EXOC2: variants seen among roughly 807,000 people sequenced by gnomAD.
EXOC2 encodes SEC5-like 1.
Under a neutral mutation model 131.8 loss-of-function variants are expected in EXOC2, and 70 were observed. That is an observed-to-expected ratio of 0.53 (90% CI 0.44 to 0.65). EXOC2 has a LOEUF of 0.65. Among genes scored for constraint, EXOC2 ranks in the 30% least tolerant of loss-of-function variants. EXOC2 has a pLI of 0.00. For missense variants in EXOC2, 923 were observed against 1,108.6 expected (o/e 0.83, Z 2.38); for synonymous variants, 411 against 398.4 (o/e 1.03, Z -0.38).
intron 1 of EXOC2, among the ~76,000 whole-genome samples, chr6:683,731 C>A (rs1273524006): frequency 6.6e-6 from 1 of 152,238 alleles, no homozygotes; most frequent in Non-Finnish European, 1.5e-5. Flanking sequence ...AACTTTGTCA[C>A]TGATCTTACA....
intron 22 of EXOC2, among the ~76,000 whole-genome samples, chr6:548,389 A>T (rs1756971289): frequency 6.6e-6 from 1 of 152,254 alleles, no homozygotes; most frequent in African/African-American, 2.4e-5. Context: ...AACTGTACTG[A>T]CATTAAAAAG....
At chr6:618,884 A>C (rs1359951097) in intron 5 of EXOC2, among the ~76,000 whole-genome samples, 1 of 152,246 alleles carries the variant, frequency 6.6e-6, no homozygotes, top group Non-Finnish European at 1.5e-5. Context: ...TTTTAAATCA[A>C]TCTTGCAAAT....
intron 13 of EXOC2, among the ~76,000 whole-genome samples, chr6:569,265 T>C (rs765087600): frequency 7.9e-5 from 12 of 152,248 alleles, no homozygotes; most frequent in Non-Finnish European, 1.5e-4. Flanking sequence ...AACCATTTCG[T>C]TAACTAGAAA....
chr6:599,790 C>A (rs1467588406), intron 7 of EXOC2, among the ~76,000 whole-genome samples: 1 of 151,688 alleles, frequency 6.6e-6, no homozygotes, highest in Non-Finnish European at 1.5e-5. Flanking sequence ...GTGAAGGCAG[C>A]ATCATGAATA....
intron 23 of EXOC2, among the ~76,000 whole-genome samples, chr6:501,718 ATATC>A (rs926118801): frequency 5.9e-5 from 8 of 136,448 alleles, no homozygotes; most frequent in Admixed American, 8.5e-5. Context: ...TATAAAAGAT[ATATC>A]TATCTATGTA....
At chr6:633,568 G>A (rs181186748) in intron 2 of EXOC2, among the ~76,000 whole-genome samples, 13 of 152,262 alleles carry the variant, frequency 8.5e-5, no homozygotes, top group African/African-American at 2.9e-4. Flanking sequence ...AAATCTTCAC[G>A]TGCTTTTTCT....
chr6:492,154 T>C (rs181329027), intron 25 of EXOC2, among the ~76,000 whole-genome samples: 175 of 152,178 alleles, frequency 1.1e-3, no homozygotes, highest in African/African-American at 4.1e-3. Flanking sequence ...TCACCAAAAT[T>C]AAAAATCCAG....
chr6:557,520 A>C (rs1271248950), intron 17 of EXOC2, among the ~76,000 whole-genome samples: 1 of 150,594 alleles, frequency 6.6e-6, no homozygotes, highest in Non-Finnish European at 1.5e-5. Context: ...CGGGAGGCTG[A>C]GACAGGAGAA....
chr6:621,090 T>C (rs113761376), intron 4 of EXOC2, among the ~76,000 whole-genome samples: 13 of 152,282 alleles, frequency 8.5e-5, no homozygotes, highest in African/African-American at 2.6e-4. Context: ...CACGTTCAGG[T>C]GACCAGTGCC....
At chr6:637,656 T>A (rs1762163231) in intron 2 of EXOC2, 45 bp downstream of exon 2, 1 of 1,473,458 alleles carries the variant, frequency 6.8e-7, no homozygotes, top group South Asian at 1.3e-5. Context: ...CTTGTCCACA[T>A]AAAAATCCGA....
At chr6:662,370 T>C (rs568373079) in intron 1 of EXOC2, among the ~76,000 whole-genome samples, 1 of 152,272 alleles carries the variant, frequency 6.6e-6, no homozygotes, top group East Asian at 1.9e-4. Context: ...CAACAGCACA[T>C]GGAACTTTCT....
intron 6 of EXOC2, 81 bp from the exon 7 acceptor site, chr6:610,259 C>CT (rs1760648010): frequency 8.1e-7 from 1 of 1,227,312 alleles, no homozygotes; most frequent in African/African-American, 1.5e-5. Flanking sequence ...TTTTAAACAG[C>CT]TTTTTAAAAT....
chr6:555,117 A>T (rs1027891136), intron 20 of EXOC2, 110 bp downstream of exon 20: 7 of 516,224 alleles, frequency 1.4e-5, no homozygotes, highest in Non-Finnish European at 2.2e-5. Context: ...GATATGAACA[A>T]TCTTTCTTTC....
chr6:667,218 C>CTT (rs76475720), intron 1 of EXOC2, among the ~76,000 whole-genome samples: 43,701 of 96,256 alleles, frequency 0.45, 18,158 homozygotes, highest in East Asian at 0.97. Flanking sequence ...ATCATTATCA[C>CTT]TGTTGTTTTT....
intron 23 of EXOC2, among the ~76,000 whole-genome samples, chr6:501,988 C>G (rs958978194): frequency 2.6e-4 from 40 of 152,212 alleles, no homozygotes; most frequent in African/African-American, 9.6e-4. Flanking sequence ...AGCCACACCC[C>G]CCGGTGTCCC....
chr6:531,782 AC>A (rs1766102261), intron 23 of EXOC2, among the ~76,000 whole-genome samples: 1 of 152,230 alleles, frequency 6.6e-6, no homozygotes, highest in South Asian at 2.1e-4. Flanking sequence ...TTCTACATAA[AC>A]TACTTCTCTA....
chr6:583,394 A>G (rs1759022364), intron 11 of EXOC2, among the ~76,000 whole-genome samples: 1 of 152,198 alleles, frequency 6.6e-6, no homozygotes, highest in East Asian at 1.9e-4. Context: ...TACAATCACA[A>G]ATTGACAAGG....
At chr6:623,558 T>C (rs1761401594) in intron 4 of EXOC2, among the ~76,000 whole-genome samples, 1 of 152,152 alleles carries the variant, frequency 6.6e-6, no homozygotes, top group South Asian at 2.1e-4. Context: ...AATCACACCA[T>C]TAAGGCCAGG....
chr6:583,926 T>C (rs1295404784), intron 11 of EXOC2, among the ~76,000 whole-genome samples: 1 of 152,206 alleles, frequency 6.6e-6, no homozygotes. Context: ...CTCGCTGCAG[T>C]TGTGCCTTTC....
Sources: allele counts gnomAD v4.1 joint callset (sites outside exome capture counted in the v4.1 genomes callset), GRCh38; gene constraint gnomAD v4.1.1; transcripts MANE v1.5; gene names NCBI Gene and HGNC (gene_info 2026-07-23, HGNC 2026-07-21).